The following FGD5 variants were observed in gnomAD, a reference collection of about 807,000 sequenced individuals.
FGD5 encodes the protein FYVE, RhoGEF and PH domain-containing protein 5.
FGD5 carries 28 observed loss-of-function variants against 133.4 expected under a neutral mutation model. The ratio of observed to expected loss-of-function variants is 0.21; its 90% CI spans 0.16 to 0.29. The LOEUF (loss-of-function observed/expected upper bound fraction) is 0.29, where lower values mean the gene tolerates loss of function less well. Among genes scored for constraint, FGD5 ranks in the 10% least tolerant of loss-of-function variants. The pLI is 1.00. For synonymous variants in FGD5, 810 were observed against 776.5 expected, an observed-to-expected ratio of 1.04 and a Z score of -0.72; for missense variants, 1,858 against 1,895.2, an observed-to-expected ratio of 0.98 and a Z score of 0.36.
chr3:14,913,392 CAGGG>C (rs1302277526), intron 11 of FGD5, among the ~76,000 whole-genome samples: 1 of 152,106 alleles, frequency 6.6e-6, no homozygotes, highest in Non-Finnish European at 1.5e-5. Context: ...CACAGCCCTG[CAGGG>C]AGTTGGGTCC....
At chr3:14,915,713 C>G (rs2038540754) in intron 11 of FGD5, among the ~76,000 whole-genome samples, 1 of 151,968 alleles carries the variant, frequency 6.6e-6, no homozygotes, top group African/African-American at 2.4e-5. Context: ...GTACAGGGCT[C>G]ACTTTGGTTC....
intron 1 of FGD5, among the ~76,000 whole-genome samples, chr3:14,833,718 T>C (rs572438898): frequency 6.6e-6 from 1 of 152,312 alleles, no homozygotes; most frequent in South Asian, 2.1e-4. Flanking sequence ...GAAGATCCAG[T>C]ACCAGCTCTG....
intron 1 of FGD5, among the ~76,000 whole-genome samples, chr3:14,843,826 G>A (rs755647218): frequency 5.9e-5 from 9 of 151,514 alleles, no homozygotes; most frequent in Non-Finnish European, 1.3e-4. Flanking sequence ...GAGTAGCTGG[G>A]ATTACAGGTA....
intron 1 of FGD5, 123 bp downstream of exon 1, chr3:14,821,719 A>T (rs774115436): frequency 2.2e-6 from 3 of 1,351,762 alleles, no homozygotes; most frequent in East Asian, 5.1e-5. Flanking sequence ...AGCTGTGTTG[A>T]CTTGGGGTGA....
intron 2 of FGD5, among the ~76,000 whole-genome samples, chr3:14,877,866 G>A (rs1003414673): frequency 1.3e-5 from 2 of 152,198 alleles, no homozygotes; most frequent in Admixed American, 6.5e-5. Flanking sequence ...GGGGGTTGAG[G>A]GAGTAGAGGC....
chr3:14,881,737 G>A (rs2037828318), intron 4 of FGD5, among the ~76,000 whole-genome samples: 1 of 152,198 alleles, frequency 6.6e-6, no homozygotes, highest in African/African-American at 2.4e-5. Context: ...ACATTTTGTA[G>A]GTGGTGATGT....
intron 1 of FGD5, among the ~76,000 whole-genome samples, chr3:14,827,257 G>T (rs1158776200): frequency 1.3e-5 from 2 of 149,266 alleles, no homozygotes; most frequent in African/African-American, 2.5e-5. Context: ...TTCTGTGGTC[G>T]CAAATTGCCA....
At chr3:14,835,730 G>C (rs1308608741) in intron 1 of FGD5, among the ~76,000 whole-genome samples, 1 of 152,152 alleles carries the variant, frequency 6.6e-6, no homozygotes, top group Admixed American at 6.5e-5. Context: ...TATTTTCCTT[G>C]CAAGGCCATG....
At chr3:14,824,568 C>T (rs2036568069) in intron 1 of FGD5, among the ~76,000 whole-genome samples, 1 of 152,232 alleles carries the variant, frequency 6.6e-6, no homozygotes, top group African/African-American at 2.4e-5. Flanking sequence ...GGTCCCAACA[C>T]TTGTTATGGG....
At chr3:14,824,090 G>A (rs750742612) in intron 1 of FGD5, among the ~76,000 whole-genome samples, 1 of 152,160 alleles carries the variant, frequency 6.6e-6, no homozygotes, top group Non-Finnish European at 1.5e-5. Context: ...ATGCTATTTC[G>A]CCAAAGGCCA....
rs567424012 is a variant in FGD5, at chr3:14,828,520, ATCTC to A, written c.2525+6931_2525+6934del. Reference sequence around the variant, plus strand: ...GGCTTGAGGACTAAACACAAATACCATCTCTCTCTCATTTCTGAGTGTAACAGTA... The same window carrying A: ...GGCTTGAGGACTAAACACAAATACCATCTCTCATTTCTGAGTGTAACAGTA... On this transcript the variant is annotated intron_variant, in intron 1 of 19. Coordinates refer to ENST00000285046, the MANE Select transcript of FGD5 (RefSeq NM_152536.4). 1.1e-3 allele frequency among the ~76,000 whole-genome samples: 172 copies of A among 152,236 alleles called. 2 individuals are homozygous for A. The highest frequency in any genetic ancestry group is 5.8e-3 in the South Asian group (28 of 4,824).
rs1401145446 is a variant in FGD5, at chr3:14,922,408, C to A, written c.3670-3C>A. ...CATTACTCAGCCAATTCTGTTGCTGCAGATACGAGAGAGGCTGGGGGTTAG... is the reference window on the plus strand; with the variant it reads ...CATTACTCAGCCAATTCTGTTGCTGAAGATACGAGAGAGGCTGGGGGTTAG... On this transcript the variant is annotated splice_polypyrimidine_tract_variant and splice_region_variant and intron_variant, in intron 14 of 19. Transcript: ENST00000285046. The surrounding 1 kb of genome is among the most constrained non-coding windows in gnomAD (Gnocchi z 4.1). The A allele has an allele frequency of 6.4e-7, 1 of 1,563,812 alleles. No individual in the cohort carries two copies. Among genetic ancestry groups the A allele is most frequent in the Non-Finnish European group, 8.7e-7 (1 of 1,153,864 alleles).
At chr3:14,828,027 G>A (rs1452457489) in intron 1 of FGD5, among the ~76,000 whole-genome samples, 1 of 152,208 alleles carries the variant, frequency 6.6e-6, no homozygotes, top group Non-Finnish European at 1.5e-5. Flanking sequence ...ATGCGTATGA[G>A]GAGAGGGAGC....
At chr3:14,920,397 C>G (rs909739498) in intron 13 of FGD5, 5 of 152,074 alleles carry the variant, frequency 3.3e-5, no homozygotes, top group Non-Finnish European at 1.5e-5. Flanking sequence ...TGGCTTATAC[C>G]TGTAATTCCA....
intron 5 of FGD5, 21 bp downstream of exon 5, chr3:14,897,690 C>T (rs539608717): frequency 9.5e-6 from 15 of 1,584,096 alleles, no homozygotes; most frequent in Admixed American, 3.7e-5. Context: ...CCTGGACCCC[C>T]GGGTTCCACT....
At chr3:14,840,352 C>G (rs562263310) in intron 1 of FGD5, among the ~76,000 whole-genome samples, 16 of 152,046 alleles carry the variant, frequency 1.1e-4, no homozygotes, top group Admixed American at 7.9e-4. Flanking sequence ...ACCATGTTGG[C>G]CAGGCTGGTC....
chr3:14,853,034 G>GCC (rs757189605), intron 1 of FGD5, among the ~76,000 whole-genome samples: 2 of 151,316 alleles, frequency 1.3e-5, no homozygotes, highest in Non-Finnish European at 2.9e-5. Context: ...CCACGACGTA[G>GCC]CCCAGATGAC....
In FGD5 at chr3:14,830,442, A is replaced by G. The variant is rs1242773934; in HGVS notation, c.2525+8846A>G. ...ACGCACTCATTGTAACATTACTAGC[A>G]TGATATTAAGACCCCCAACTATTTT... On this transcript the variant is annotated intron_variant, in intron 1 of 19. Transcript: ENST00000285046. Among the ~76,000 whole-genome samples, 6 of 145,366 alleles carry G rather than the reference A, an allele frequency of 4.1e-5. No homozygotes were observed. The East Asian group carries it at 9.7e-4, about 24-fold the overall frequency.
rs1279214158 is a variant in FGD5 at position 14,914,616 on chromosome 3, G to C, written c.3406-2633G>C. Among the ~76,000 whole-genome samples, 3 of 152,152 alleles carry C rather than the reference G, an allele frequency of 2.0e-5. No homozygotes were observed. The East Asian group carries it at 5.8e-4, about 29-fold the overall frequency. ...TAGGTCAGTTCCCTGGGTCTGGGAG[G>C]GTTCATGGGCAAGGTTCATGAACCT... On this transcript the variant is annotated intron_variant, in intron 11 of 19. Transcript: ENST00000285046.
Sources: allele counts gnomAD v4.1 joint callset (sites outside exome capture counted in the v4.1 genomes callset), GRCh38; gene constraint gnomAD v4.1.1; non-coding constraint Gnocchi (gnomAD v3.1); transcripts MANE v1.5; gene names NCBI Gene and HGNC (gene_info 2026-07-23, HGNC 2026-07-21).